The following ARFGEF1 variants were observed in gnomAD, a reference collection of about 807,000 sequenced individuals.
ARFGEF1 encodes ARF guanine nucleotide exchange factor 1, also known as brefeldin A-inhibited guanine nucleotide-exchange protein 1.
A neutral mutation model predicts 231.0 loss-of-function variants in ARFGEF1; 42 were observed. The observed-to-expected ratio is 0.18, with a 90% CI of 0.14 to 0.24. The LOEUF (loss-of-function observed/expected upper bound fraction) is 0.24, where lower values mean the gene tolerates loss of function less well. Among genes scored for constraint, ARFGEF1 ranks in the 10% least tolerant of loss-of-function variants. The pLI is 1.00. For missense variants in ARFGEF1, 1,345 were observed against 2,192.0 expected, an observed-to-expected ratio of 0.61 and a Z score of 7.72; for synonymous variants, 710 against 732.3, an observed-to-expected ratio of 0.97 and a Z score of 0.49.
intron 23 of ARFGEF1, among the ~76,000 whole-genome samples, chr8:67,230,751 T>C (rs751162504): frequency 1.3e-5 from 2 of 152,100 alleles, no homozygotes; most frequent in African/African-American, 2.4e-5. Context: ...CTGCATAGTT[T>C]AGTAATATTC....
intron 19 of ARFGEF1, among the ~76,000 whole-genome samples, chr8:67,245,807 G>A (rs1456365491): frequency 6.7e-6 from 1 of 150,144 alleles, no homozygotes; most frequent in Non-Finnish European, 1.5e-5. Context: ...CATAGTGGCT[G>A]AATGAACAAA....
rs564939293 is a variant in ARFGEF1, at chr8:67,238,834, G to A, written c.3039C>T (p.Ser1013=). 2.0e-5 allele frequency: 32 copies of A among 1,613,222 alleles called. No individual in the cohort carries two copies. Among genetic ancestry groups the A allele is most frequent in the Non-Finnish European group, 2.5e-5 (30 of 1,179,552 alleles). Residue 1013 remains serine, a synonymous_variant, in exon 21 of 39, where the codon TCC becomes TCT. Transcript: ENST00000262215. ...LARFTLLTVS[S]GITEMKQKNI... ...TCTTCTGTTTCATTTCAGTAATACC[G>A]GAACTCACTGTGAGTAAGGTAAATC...
intron 1 of ARFGEF1, among the ~76,000 whole-genome samples, chr8:67,319,597 T>A (rs765454647): frequency 6.6e-5 from 10 of 151,400 alleles, no homozygotes; most frequent in Non-Finnish European, 1.3e-4. Flanking sequence ...CAAAAAACTA[T>A]CAAACTTTCG....
Position 67,182,316 on chromosome 8 carries a change from CCTT to C in ARFGEF1, c.561-6747_561-6745del, listed in dbSNP as rs376549505. 4.3e-3 allele frequency among the ~76,000 whole-genome samples: 621 copies of C among 145,252 alleles called. 1 individual carries two copies. Among genetic ancestry groups the C allele is most frequent in the South Asian group, 9.2e-3 (44 of 4,758 alleles). On this transcript the variant is annotated intron_variant, in intron 5 of 5. Transcript: ENST00000518789. ...AGCTACCACACCCAGCCAGATTTCC[CCTT>C]TTTTTTTTTATGCTGTGAATAATAT...
intron 6 of ARFGEF1, among the ~76,000 whole-genome samples, chr8:67,288,561 C>G (rs965514020): frequency 2.2e-4 from 34 of 151,928 alleles, no homozygotes; most frequent in Non-Finnish European, 2.1e-4. Context: ...GGTGAAACCC[C>G]ATCTCTACTA....
chr8:67,226,464 C>T (rs1839375346), intron 27 of ARFGEF1, among the ~76,000 whole-genome samples: 2 of 151,930 alleles, frequency 1.3e-5, no homozygotes, highest in African/African-American at 4.8e-5. Flanking sequence ...AATGAATATA[C>T]AAAATTACTT....
intron 15 of ARFGEF1, 89 bp downstream of exon 15, chr8:67,259,726 G>A (rs1426249710): frequency 2.3e-6 from 2 of 856,056 alleles, no homozygotes; most frequent in African/African-American, 1.7e-5. Flanking sequence ...ACTAGCCTGG[G>A]CAATATAGCG....
chr8:67,270,728 A>G (rs1229014290), intron 10 of ARFGEF1, among the ~76,000 whole-genome samples: 22 of 150,528 alleles, frequency 1.5e-4, no homozygotes, highest in Admixed American at 1.5e-3. Flanking sequence ...AAAAAAAAAA[A>G]AAAAAACCAC....
chr8:67,312,738 T>C (rs1807131253), intron 1 of ARFGEF1, among the ~76,000 whole-genome samples: 1 of 152,208 alleles, frequency 6.6e-6, no homozygotes, highest in Non-Finnish European at 1.5e-5. Flanking sequence ...GTTGCTAATG[T>C]ATGCAGAAAA....
intron 5 of ARFGEF1, among the ~76,000 whole-genome samples, chr8:67,191,049 C>G (rs1836093465): frequency 6.6e-6 from 1 of 152,184 alleles, no homozygotes; most frequent in Middle Eastern, 3.2e-3. Flanking sequence ...CAGAGAGGCA[C>G]AAGAAGGAAC....
intron 1 of ARFGEF1, among the ~76,000 whole-genome samples, chr8:67,306,597 T>C (rs1230397398): frequency 6.6e-6 from 1 of 152,142 alleles, no homozygotes; most frequent in Non-Finnish European, 1.5e-5. Flanking sequence ...AAAATAATAT[T>C]TATATGGATT....
chr8:67,209,675 TG>T (rs1172039686), intron 34 of ARFGEF1, among the ~76,000 whole-genome samples: 4 of 152,188 alleles, frequency 2.6e-5, no homozygotes, highest in African/African-American at 9.7e-5. Flanking sequence ...CTTCAGCAAA[TG>T]GAACTGAATT....
chr8:67,200,321 G>A (rs777535315), intron 38 of ARFGEF1, 75 bp downstream of exon 38: 9 of 1,040,790 alleles, frequency 8.6e-6, no homozygotes, highest in East Asian at 2.4e-5. Flanking sequence ...GCTCTTGCAC[G>A]GCGGCTCTGG....
intron 1 of ARFGEF1, among the ~76,000 whole-genome samples, chr8:67,342,654 C>T (rs1033330686): frequency 6.6e-6 from 1 of 152,084 alleles, no homozygotes; most frequent in Non-Finnish European, 1.5e-5. Flanking sequence ...CTCTTGCAAA[C>T]CCCTTCTCAA....
Position 67,277,069 on chromosome 8 carries a change from A to T in ARFGEF1, c.1203+213T>A, listed in dbSNP as rs577625222. On this transcript the variant is annotated intron_variant, in intron 8 of 38. Coordinates refer to ENST00000262215, the MANE Select transcript of ARFGEF1 (RefSeq NM_006421.5). ...TGTAAACATAGATGAGACCTACCTT[A>T]AAGTTGGAAATGTAACTATCAAAAT... Among the ~76,000 whole-genome samples the T allele has an allele frequency of 8.4e-3, 1,282 of 152,252 alleles. 18 individuals carry two copies. The highest frequency in any genetic ancestry group is 0.029 in the African/African-American group (1,218 of 41,548).
intron 1 of ARFGEF1, among the ~76,000 whole-genome samples, chr8:67,334,693 T>C (rs545613009): frequency 1.3e-5 from 2 of 152,236 alleles, no homozygotes; most frequent in African/African-American, 4.8e-5. Context: ...AAACAAAATA[T>C]AGGATATCTA....
intron 23 of ARFGEF1, among the ~76,000 whole-genome samples, chr8:67,231,260 A>G (rs953621031): frequency 5.3e-5 from 8 of 152,142 alleles, no homozygotes; most frequent in African/African-American, 1.9e-4. Context: ...ACAACATTAT[A>G]AGAGATCAAA....
At position 67,267,395 on chromosome 8, in the gene ARFGEF1, G is replaced by A; in HGVS notation, c.1620C>T (p.Ser540=). 3 of 1,611,950 alleles carry A rather than the reference G, an allele frequency of 1.9e-6. No individual in the cohort carries two copies. The highest frequency in any genetic ancestry group is 2.5e-6 in the Non-Finnish European group (3 of 1,179,166). The part of the protein sequence containing the change: ...IFLYILETST[S]SFDHKWMVIQ... ...TAACCATCCATTTGTGATCAAATGA[G>A]CTGGTAGAAGTTTCCAAAATGTATA... The change falls in exon 11 of 39, where the codon AGC becomes AGT. Residue 540 remains serine (S), a synonymous_variant. Coordinates refer to ENST00000262215, the MANE Select transcript of ARFGEF1 (RefSeq NM_006421.5).
At chr8:67,301,462 A>G in intron 2 of ARFGEF1, 82 bp from the exon 3 acceptor site, 1 of 1,418,944 alleles carries the variant, frequency 7.0e-7, no homozygotes, top group Non-Finnish European at 9.5e-7. Context: ...ACAGAATTTC[A>G]GTTCTAAAAG....
Sources: gnomAD v4.1 joint callset for allele counts (sites outside exome capture counted in the v4.1 genomes callset) on GRCh38, gnomAD v4.1.1 for gene constraint, MANE v1.5 for transcripts, NCBI Gene and HGNC (gene_info 2026-07-23, HGNC 2026-07-21) for gene names.